MTFR2: variants seen among roughly 807,000 people sequenced by gnomAD.
The protein encoded by MTFR2 is mitochondrial fission regulator 2.
A neutral mutation model predicts 41.2 loss-of-function variants in MTFR2; 44 were observed. That is an observed-to-expected ratio of 1.07 (90% CI 0.84 to 1.37). The LOEUF is 1.37. Ranked by LOEUF, MTFR2 falls within the 40% of genes most tolerant of loss-of-function variation. The pLI is 0.00. For synonymous variants in MTFR2, 141 were observed against 154.6 expected, an observed-to-expected ratio of 0.91 and a Z score of 0.65; for missense variants, 452 against 459.5, an observed-to-expected ratio of 0.98 and a Z score of 0.15.
At position 136,242,094 on chromosome 6, in the gene MTFR2, A is replaced by AAC. The variant is rs1562211928; in HGVS notation, c.282-419_282-418insGT. Among the ~76,000 whole-genome samples the AAC allele has an allele frequency of 3.1e-3, 470 of 150,082 alleles. 7 individuals are homozygous for AAC. Among genetic ancestry groups the AAC allele is most frequent in the African/African-American group, 0.011 (461 of 40,930 alleles). Reference sequence around the variant, plus strand: ...GACTCTGTCTCAAAAAAAAAAAAAAAAAAAAAAAAAAAAACCTACTCTCTA... The same window carrying AAC: ...GACTCTGTCTCAAAAAAAAAAAAAAAACAAAAAAAAAAAAAACCTACTCTCTA... On this transcript the variant is annotated intron_variant, in intron 4 of 7. Coordinates refer to ENST00000420702, the MANE Select transcript of MTFR2 (RefSeq NM_001099286.3).
intron 7 of MTFR2, chr6:136,233,090 C>T (rs1779807068): frequency 5.7e-6 from 2 of 353,640 alleles, no homozygotes; most frequent in African/African-American, 4.1e-5. Context: ...TAAACATATG[C>T]ACAAATATTT....
At chr6:136,238,485 T>G (rs1439412872) in intron 6 of MTFR2, among the ~76,000 whole-genome samples, 1 of 151,748 alleles carries the variant, frequency 6.6e-6, no homozygotes, top group Non-Finnish European at 1.5e-5. Context: ...AATCAAACTA[T>G]AGAAGTAGAA....
intron 3 of MTFR2, among the ~76,000 whole-genome samples, chr6:136,243,276 C>T (rs1245230396): frequency 1.3e-5 from 2 of 152,100 alleles, no homozygotes; most frequent in Non-Finnish European, 2.9e-5. Context: ...ACATGTACCA[C>T]GTAACATTTA....
intron 6 of MTFR2, among the ~76,000 whole-genome samples, chr6:136,238,710 G>A (rs1280293994): frequency 2.2e-5 from 3 of 138,330 alleles, no homozygotes; most frequent in Non-Finnish European, 4.6e-5. Flanking sequence ...ACACACACAT[G>A]GAACTCAGAG....
chr6:136,247,654 T>C (rs1780247971), intron 2 of MTFR2: 1 of 420,910 alleles, frequency 2.4e-6, no homozygotes, highest in African/African-American at 2.1e-5. Flanking sequence ...CAAAAGAAGG[T>C]TGCTGATCCC....
chr6:136,247,431 C>T, intron 2 of MTFR2: 2 of 445,726 alleles, frequency 4.5e-6, no homozygotes, highest in South Asian at 1.6e-5. Context: ...CTTTCCAAGA[C>T]TTATTTAATT....
rs766309585 is a variant in MTFR2 at position 136,242,980 on chromosome 6, T to G, written c.169-7A>C. ...AGTTCAAGAGCGGGATCAACTAAAGTAAAAAAAGAAAAAAATAGTCAGAGC... is the reference window on the plus strand; with the variant it reads ...AGTTCAAGAGCGGGATCAACTAAAGGAAAAAAAGAAAAAAATAGTCAGAGC... On this transcript the variant is annotated splice_region_variant and splice_polypyrimidine_tract_variant and intron_variant, in intron 3 of 7. Transcript: ENST00000420702. 1 of 1,577,576 alleles carries G rather than the reference T, an allele frequency of 6.3e-7. No individual in the cohort carries two copies. The highest frequency in any genetic ancestry group is 8.6e-7 in the Non-Finnish European group (1 of 1,167,472).
intron 6 of MTFR2, 148 bp from the exon 7 acceptor site, chr6:136,233,647 G>A (rs576405096): frequency 2.2e-5 from 14 of 641,254 alleles, no homozygotes; most frequent in Middle Eastern, 4.8e-4. Context: ...AGAAATTTTC[G>A]CAATGAAATA....
intron 1 of MTFR2, among the ~76,000 whole-genome samples, chr6:136,249,697 T>C (rs1780312072): frequency 6.6e-6 from 1 of 152,188 alleles, no homozygotes; most frequent in Non-Finnish European, 1.5e-5. Context: ...GTGATGGTTT[T>C]ATCAACAGGA....
chr6:136,248,354 A>G lies in MTFR2; in HGVS notation c.63+683T>C, dbSNP rs969356293. Among the ~76,000 whole-genome samples, 9 of 152,156 alleles carry G rather than the reference A, an allele frequency of 5.9e-5. No homozygotes were observed. The East Asian group carries it at 9.6e-4, about 16-fold the overall frequency. On this transcript the variant is annotated intron_variant, in intron 2 of 7. Coordinates refer to ENST00000420702, the MANE Select transcript of MTFR2 (RefSeq NM_001099286.3). ...TGAATTGTAATTATCCTCACGTGTC[A>G]AGGGTGGGGCCAGGTGAAGATAACT...
chr6:136,243,045 T>A, intron 3 of MTFR2, 72 bp from the exon 4 acceptor site: 1 of 893,014 alleles, frequency 1.1e-6, no homozygotes, highest in Non-Finnish European at 1.7e-6. Flanking sequence ...CCCATGGTAT[T>A]AAATTAGTTA....
chr6:136,235,579 A>T (rs1332446272), intron 6 of MTFR2, among the ~76,000 whole-genome samples: 2 of 152,112 alleles, frequency 1.3e-5, no homozygotes, highest in African/African-American at 4.8e-5. Context: ...AAGGAATAAG[A>T]AGGAATAGCT....
intron 3 of MTFR2, 96 bp from the exon 4 acceptor site, chr6:136,243,069 A>G (rs1348366174): frequency 5.8e-6 from 4 of 688,258 alleles, no homozygotes; most frequent in Non-Finnish European, 9.0e-6. Flanking sequence ...ATCCAAAAGA[A>G]AGAAAAATAA....
At chr6:136,235,521 G>A (rs933795737) in intron 6 of MTFR2, among the ~76,000 whole-genome samples, 6 of 152,064 alleles carry the variant, frequency 3.9e-5, no homozygotes, top group African/African-American at 1.2e-4. Flanking sequence ...GCTGAGGTCT[G>A]AACCAGGTAT....
intron 7 of MTFR2, chr6:136,233,084 C>A (rs1269159382): frequency 2.4e-5 from 8 of 339,926 alleles, no homozygotes; most frequent in East Asian, 2.1e-4. Flanking sequence ...TCATTATAAA[C>A]ATATGCACAA....
intron 1 of MTFR2, among the ~76,000 whole-genome samples, chr6:136,249,723 C>T (rs1434725254): frequency 6.6e-6 from 1 of 152,166 alleles, no homozygotes; most frequent in African/African-American, 2.4e-5. Flanking sequence ...CCTGCACAAG[C>T]CCTCTTGCCT....
Position 136,239,580 on chromosome 6 carries a change from G to T in MTFR2, c.755C>A (p.Ala252Asp). ...ATGACTATAATTGGTCTTATTAGCAGCCGGGTTCTGTTTGCTCATTTCAGT... is the reference window on the plus strand; with the variant it reads ...ATGACTATAATTGGTCTTATTAGCATCCGGGTTCTGTTTGCTCATTTCAGT... ...PATEMSKQNP[A>D]ANKTNYSHHS... is the part of the protein sequence containing the mutation. Residue 252 changes from alanine (A) to aspartate (D), a missense_variant, in exon 6 of 8, where the codon GCT (alanine) becomes GAT (aspartate). Physicochemically the swap from Ala to Asp is moderately radical, Grantham distance 126. Transcript: ENST00000420702. 6.2e-7 allele frequency: 1 copy of T among 1,614,050 alleles called. No homozygotes were observed. Among genetic ancestry groups the T allele is most frequent in the African/African-American group, 1.3e-5 (1 of 75,002 alleles).
At chr6:136,232,402 A>G (rs1779788205) in intron 7 of MTFR2, among the ~76,000 whole-genome samples, 1 of 152,070 alleles carries the variant, frequency 6.6e-6, no homozygotes, top group South Asian at 2.1e-4. Flanking sequence ...TTAATTACAG[A>G]TGCGTGCCAC....
chr6:136,247,696 C>G (rs935936780), intron 2 of MTFR2: 1 of 376,560 alleles, frequency 2.7e-6, no homozygotes, highest in Non-Finnish European at 5.2e-6. Context: ...CAAACTACTC[C>G]AACACAGTCC....
Sources: allele counts gnomAD v4.1 joint callset (sites outside exome capture counted in the v4.1 genomes callset), GRCh38; gene constraint gnomAD v4.1.1; transcripts MANE v1.5; gene names NCBI Gene and HGNC (gene_info 2026-07-23, HGNC 2026-07-21).